Variants in P3H2 observed in about 807,000 individuals in gnomAD.
The protein encoded by P3H2 is prolyl 3-hydroxylase 2.
Under a neutral mutation model 87.0 loss-of-function variants are expected in P3H2, and 80 were observed. The ratio of observed to expected loss-of-function variants is 0.92; its 90% CI spans 0.77 to 1.11. The LOEUF (loss-of-function observed/expected upper bound fraction) is 1.11. Ranked by LOEUF, P3H2 falls within the 50% of genes least tolerant of loss-of-function variation. The pLI is 0.00. For synonymous variants in P3H2, 367 were observed against 359.3 expected (o/e 1.02, Z -0.24); for missense variants, 1,001 against 923.9 (o/e 1.08, Z -1.08).
In P3H2 at chr3:189,992,450, A is replaced by G. The variant is rs528732399; in HGVS notation, c.823+1644T>C. ...ACTGGAAGTTGGGGAGAGCAAACTG[A>G]TTTTATTCACTGGCATTTCAGTAAG... On this transcript the variant is annotated intron_variant, in intron 3 of 14. Transcript: ENST00000319332. Among the ~76,000 whole-genome samples the G allele has an allele frequency of 2.0e-5, 3 of 152,264 alleles. No individual in the cohort carries two copies. The South Asian group carries it at 6.2e-4, about 32-fold the overall frequency.
At position 190,032,217 on chromosome 3, in the gene P3H2, G is replaced by C. The variant is rs116635712; in HGVS notation, c.481-36775C>G. Among the ~76,000 whole-genome samples, 1,274 of 152,072 alleles carry C rather than the reference G, an allele frequency of 8.4e-3. 16 individuals are homozygous for C. Among genetic ancestry groups the C allele is most frequent in the African/African-American group, 0.029 (1,197 of 41,482 alleles). ...AGAAATGTTTATGGTAGCAGTGCCTGGTCTACATTGTTTATTTTCAACAGA... is the reference window on the plus strand; with the variant it reads ...AGAAATGTTTATGGTAGCAGTGCCTCGTCTACATTGTTTATTTTCAACAGA... On this transcript the variant is annotated intron_variant, in intron 1 of 14. Coordinates refer to ENST00000319332, the MANE Select transcript of P3H2 (RefSeq NM_018192.4).
intron 1 of P3H2, among the ~76,000 whole-genome samples, chr3:190,005,023 T>C (rs1325196346): frequency 6.9e-6 from 1 of 145,694 alleles, no homozygotes; most frequent in Non-Finnish European, 1.5e-5. Flanking sequence ...CACAAATCAT[T>C]TGTCAAAAAT....
At chr3:189,979,827 G>C (rs1723472825) in intron 8 of P3H2, among the ~76,000 whole-genome samples, 1 of 151,892 alleles carries the variant, frequency 6.6e-6, no homozygotes, top group South Asian at 2.1e-4. Flanking sequence ...AATTAGCCTG[G>C]CATGGTGGCA....
At position 189,994,266 on chromosome 3, in the gene P3H2, T is replaced by A; in HGVS notation, c.651A>T (p.Gly217=). The A allele has an allele frequency of 1.9e-6, 3 of 1,611,830 alleles. No homozygotes were observed. The highest frequency in any genetic ancestry group is 2.5e-6 in the Non-Finnish European group (3 of 1,178,358). ...AGTCATCAGCCTCATAATGTTTAACTCCTGCATTGTAACTCTCCTGTAATG... is the reference window on the plus strand; with the variant it reads ...AGTCATCAGCCTCATAATGTTTAACACCTGCATTGTAACTCTCCTGTAATG... ...AKPHMESYNA[G]VKHYEADDFE... Residue 217 remains glycine, a synonymous_variant, in exon 3 of 15, where the codon GGA becomes GGT. Transcript: ENST00000319332.
At chr3:190,091,725 G>C (rs562604926) in intron 1 of P3H2, among the ~76,000 whole-genome samples, 15 of 152,328 alleles carry the variant, frequency 9.8e-5, no homozygotes, top group African/African-American at 3.4e-4. Flanking sequence ...ACAGTATTCT[G>C]ACAGTGTGAA....
In P3H2 at chr3:190,072,200, A is replaced by C. The variant is rs758264949; in HGVS notation, c.480+48052T>G. 8.2e-4 allele frequency among the ~76,000 whole-genome samples: 124 copies of C among 151,780 alleles called. 1 individual carries two copies. Among genetic ancestry groups the C allele is most frequent in the Non-Finnish European group, 7.2e-4 (49 of 67,958 alleles). ...GCCACCACGCTTGGCTAATTTTTTG[A>C]ATTTTTAGTAGAGACGGGGTTTGAC... is the stretch of plus-strand genomic sequence containing the variant. On this transcript the variant is annotated intron_variant, in intron 1 of 14. Transcript: ENST00000319332.
At chr3:190,006,607 C>T (rs556654147) in intron 1 of P3H2, among the ~76,000 whole-genome samples, 23 of 152,212 alleles carry the variant, frequency 1.5e-4, no homozygotes, top group South Asian at 1.2e-3. Flanking sequence ...TGGGAATTTA[C>T]AAGCTTTTAG....
At chr3:190,079,311 C>T (rs1005623560) in intron 1 of P3H2, among the ~76,000 whole-genome samples, 4 of 151,198 alleles carry the variant, frequency 2.6e-5, no homozygotes, top group African/African-American at 4.9e-5. Flanking sequence ...GCTGCACCAG[C>T]CTGGGTGACA....
chr3:189,996,644 T>C (rs184931959), intron 1 of P3H2, among the ~76,000 whole-genome samples: 1 of 152,304 alleles, frequency 6.6e-6, no homozygotes, highest in East Asian at 1.9e-4. Context: ...GATAAGTGTT[T>C]TAGGCAACAG....
In P3H2 at chr3:189,994,382, A is replaced by AACAGTAC. The variant is rs1196180235; in HGVS notation, c.634-100_634-99insGTACTGT. The AACAGTAC allele has an allele frequency of 2.2e-5, 20 of 927,052 alleles. No individual in the cohort carries two copies. The South Asian group carries it at 2.3e-4, about 11-fold the overall frequency. 57.4% of individuals were successfully genotyped at this position (927,052 alleles called of 1,614,324 possible). On this transcript the variant is annotated intron_variant, in intron 2 of 14. Transcript: ENST00000319332. Reference sequence around the variant, plus strand: ...GAAGGGTTTTTGTTGACTCAGGATCATCTAGGTAGATGGGGTACTGGATGC... The same window carrying AACAGTAC: ...GAAGGGTTTTTGTTGACTCAGGATCAACAGTACTCTAGGTAGATGGGGTACTGGATGC...
chr3:190,031,231 G>C (rs1725241181), intron 1 of P3H2, among the ~76,000 whole-genome samples: 2 of 151,918 alleles, frequency 1.3e-5, no homozygotes, highest in Non-Finnish European at 2.9e-5. Flanking sequence ...AGTGATGGAA[G>C]ATATAACCAA....
chr3:190,041,091 CTATATA>C (rs770776740), intron 1 of P3H2, among the ~76,000 whole-genome samples: 5 of 50,852 alleles, frequency 9.8e-5, no homozygotes, highest in African/African-American at 1.0e-4. Context: ...CTCTCTCTCT[CTATATA>C]TATATATATA....
intron 1 of P3H2, among the ~76,000 whole-genome samples, chr3:190,044,561 G>C: frequency 6.6e-6 from 1 of 152,144 alleles, no homozygotes; most frequent in Non-Finnish European, 1.5e-5. Context: ...CCTCACCAGG[G>C]ACACTTCATT....
intron 1 of P3H2, among the ~76,000 whole-genome samples, chr3:190,046,382 C>T (rs1275013955): frequency 2.0e-5 from 3 of 152,148 alleles, no homozygotes; most frequent in African/African-American, 7.2e-5. Flanking sequence ...TTCTGTGACC[C>T]ATACAATATG....
intron 8 of P3H2, among the ~76,000 whole-genome samples, chr3:189,975,084 T>G (rs1323460193): frequency 6.6e-6 from 1 of 152,202 alleles, no homozygotes; most frequent in South Asian, 2.1e-4. Context: ...TCCCCAGGTA[T>G]GACATGCACA....
At chr3:190,026,910 T>C in intron 1 of P3H2, among the ~76,000 whole-genome samples, 1 of 152,184 alleles carries the variant, frequency 6.6e-6, no homozygotes, top group South Asian at 2.1e-4. Context: ...TCAATGAATA[T>C]TTGCTGGGTG....
chr3:189,972,874 CAG>C lies in P3H2; in HGVS notation c.1697_1698del (p.Ser566TrpfsTer5), dbSNP rs781505573. ...GAACCATTTCAGACTGCAATCTCAC[CAG>C]ACAGGGCTGTTCGGCAGACCATGTG... ...YTHMVCRTAL[S>X]GQQDRRNDLS... On this transcript the variant is annotated frameshift_variant and splice_region_variant, in exon 11 of 15. Transcript: ENST00000319332. LOFTEE classifies it high-confidence loss of function. 5 of 1,613,828 alleles carry C rather than the reference CAG, an allele frequency of 3.1e-6. No individual in the cohort carries two copies. In the South Asian group the frequency reaches 5.5e-5, roughly 18 times the overall value.
intron 1 of P3H2, among the ~76,000 whole-genome samples, chr3:190,088,552 A>G (rs930893415): frequency 1.3e-5 from 2 of 152,228 alleles, no homozygotes; most frequent in Non-Finnish European, 2.9e-5. Context: ...TGACTCTGTT[A>G]TCATATTCTG....
intron 1 of P3H2, among the ~76,000 whole-genome samples, chr3:190,058,408 G>T (rs1361041559): frequency 6.6e-6 from 1 of 152,106 alleles, no homozygotes; most frequent in African/African-American, 2.4e-5. Context: ...CTAAAACAAG[G>T]CGAAAACTAC....
Sources: gnomAD v4.1 joint callset for allele counts (sites outside exome capture counted in the v4.1 genomes callset) on GRCh38, gnomAD v4.1.1 for gene constraint, MANE v1.5 for transcripts, NCBI Gene and HGNC (gene_info 2026-07-23, HGNC 2026-07-21) for gene names.